The following AFF3 variants were observed in gnomAD, a reference collection of about 807,000 sequenced individuals.
The protein encoded by AFF3 is AF4/FMR2 family member 3.
AFF3 carries 32 observed loss-of-function variants against 129.7 expected under a neutral mutation model. The observed-to-expected ratio is 0.25, with a 90% CI of 0.19 to 0.33. The LOEUF (loss-of-function observed/expected upper bound fraction) is 0.33, where lower values mean the gene tolerates loss of function less well. Among genes scored for constraint, AFF3 ranks in the 10% least tolerant of loss-of-function variants. The pLI is 1.00. For synonymous variants in AFF3, 644 were observed against 635.4 expected, an observed-to-expected ratio of 1.01 and a Z score of -0.20; for missense variants, 1,373 against 1,592.0, an observed-to-expected ratio of 0.86 and a Z score of 2.34.
chr2:100,095,933 C>A (rs921645002), intron 4 of AFF3, among the ~76,000 whole-genome samples: 27 of 152,240 alleles, frequency 1.8e-4, no homozygotes, highest in Admixed American at 1.6e-3. Flanking sequence ...TGCAAGGTCC[C>A]CAACTGAAGT....
At chr2:99,567,583 C>T (rs1359103414) in intron 19 of AFF3, among the ~76,000 whole-genome samples, 1 of 152,006 alleles carries the variant, frequency 6.6e-6, no homozygotes, top group Non-Finnish European at 1.5e-5. Flanking sequence ...GAATATGACG[C>T]CGGGAAGGAA....
At chr2:99,805,813 TACACACACACACAC>T (rs3072357) in intron 8 of AFF3, among the ~76,000 whole-genome samples, 2 of 142,942 alleles carry the variant, frequency 1.4e-5, no homozygotes, top group South Asian at 2.4e-4. Context: ...GCAGGAGTCT[TACACACACACACAC>T]ACACACACAC....
intron 8 of AFF3, among the ~76,000 whole-genome samples, chr2:99,786,274 T>A (rs1684784281): frequency 6.6e-6 from 1 of 152,152 alleles, no homozygotes; most frequent in African/African-American, 2.4e-5. Context: ...GACTGGAGAT[T>A]GATAACGGTA....
At chr2:100,043,598 T>A (rs987348566) in intron 4 of AFF3, among the ~76,000 whole-genome samples, 2 of 151,554 alleles carry the variant, frequency 1.3e-5, no homozygotes, top group African/African-American at 2.4e-5. Context: ...TAGCTGCATT[T>A]AAAAAAAAAG....
chr2:99,614,429 C>A (rs963216508), intron 13 of AFF3, among the ~76,000 whole-genome samples: 1 of 152,184 alleles, frequency 6.6e-6, no homozygotes, highest in Non-Finnish European at 1.5e-5. Context: ...ACAGACATAT[C>A]AGGGAGTGAG....
chr2:99,962,496 A>T (rs140339901), intron 7 of AFF3, among the ~76,000 whole-genome samples: 6 of 152,384 alleles, frequency 3.9e-5, no homozygotes, highest in African/African-American at 1.4e-4. Flanking sequence ...CATCAAAAAA[A>T]TACTTCAACA....
chr2:99,598,225 G>T (rs1462666918), intron 14 of AFF3, among the ~76,000 whole-genome samples: 1 of 152,104 alleles, frequency 6.6e-6, no homozygotes, highest in Non-Finnish European at 1.5e-5. Context: ...TAGGTATCCA[G>T]GCTTTTTTAT....
chr2:100,016,285 G>T (rs904276406), intron 4 of AFF3, among the ~76,000 whole-genome samples: 2 of 150,636 alleles, frequency 1.3e-5, no homozygotes, highest in African/African-American at 5.0e-5. Context: ...GGTAGTGGGG[G>T]TGATGATGGT....
chr2:99,833,955 A>G (rs4851236), intron 8 of AFF3, among the ~76,000 whole-genome samples: 16,417 of 152,242 alleles, frequency 0.11, 1,033 homozygotes, highest in Admixed American at 0.2. Context: ...AAAAATAATT[A>G]TATGTTAGAA....
intron 7 of AFF3, among the ~76,000 whole-genome samples, chr2:99,914,875 C>T (rs1036535540): frequency 9.9e-5 from 15 of 151,984 alleles, no homozygotes; most frequent in Admixed American, 9.2e-4. Flanking sequence ...TGCACTCCAG[C>T]CTGGGTGACA....
At chr2:100,101,152 G>A (rs2105472630) in intron 4 of AFF3, among the ~76,000 whole-genome samples, 1 of 152,306 alleles carries the variant, frequency 6.6e-6, no homozygotes, top group Non-Finnish European at 1.5e-5. Flanking sequence ...GAGTAAGTAT[G>A]GATGTTTCTG....
At chr2:100,127,665 C>A (rs1692255108) in intron 2 of AFF3, among the ~76,000 whole-genome samples, 1 of 152,200 alleles carries the variant, frequency 6.6e-6, no homozygotes, top group Non-Finnish European at 1.5e-5. Context: ...TGAGTTGTTA[C>A]CCAGAGGCCT....
intron 8 of AFF3, among the ~76,000 whole-genome samples, chr2:99,806,324 G>A (rs1203608256): frequency 6.6e-6 from 1 of 152,158 alleles, no homozygotes; most frequent in East Asian, 1.9e-4. Flanking sequence ...GTGGGGTATG[G>A]GATATGCAAC....
At chr2:99,914,171 G>T (rs375503876) in intron 7 of AFF3, among the ~76,000 whole-genome samples, 1 of 152,118 alleles carries the variant, frequency 6.6e-6, no homozygotes, top group Non-Finnish European at 1.5e-5. Flanking sequence ...CCAGTAATGG[G>T]ACAAATCAAT....
chr2:99,837,373 C>T, intron 8 of AFF3, 104 bp downstream of exon 8: 1 of 1,140,506 alleles, frequency 8.8e-7, no homozygotes, highest in Non-Finnish European at 1.3e-6. Context: ...AGGTAAATGT[C>T]AAACCACAGA....
intron 13 of AFF3, among the ~76,000 whole-genome samples, chr2:99,618,224 CTTTTTTTTTTTTTTTTT>C (rs70940180): frequency 1.2e-5 from 1 of 80,078 alleles, no homozygotes; most frequent in Non-Finnish European, 2.3e-5. Context: ...TCATAACATT[CTTTTTTTTTTTTTTTTT>C]TTTTTTTTTT....
At chr2:99,981,076 C>T (rs1294543074) in intron 7 of AFF3, among the ~76,000 whole-genome samples, 2 of 152,192 alleles carry the variant, frequency 1.3e-5, no homozygotes, top group Non-Finnish European at 2.9e-5. Flanking sequence ...AGTGCAATGG[C>T]GTGATCTCGG....
chr2:99,780,586 G>T (rs1047591221), intron 8 of AFF3, among the ~76,000 whole-genome samples: 7 of 152,110 alleles, frequency 4.6e-5, no homozygotes, highest in African/African-American at 1.7e-4. Context: ...CCTCCACTCT[G>T]ATATCTGAAT....
rs199693404 is a variant in AFF3, at chr2:99,554,675, G to T, written c.3335+8C>A. ...CTTACGGCATTGACTTTGGAAAAGCGAACTTACTTTCCACTGGCCCCCCAC... is the reference window on the plus strand; with the variant it reads ...CTTACGGCATTGACTTTGGAAAAGCTAACTTACTTTCCACTGGCCCCCCAC... On this transcript the variant is annotated splice_region_variant and intron_variant, in intron 23 of 24. Transcript: ENST00000672756. 6.2e-7 allele frequency: 1 copy of T among 1,614,162 alleles called. No individual in the cohort carries two copies. Among genetic ancestry groups the T allele is most frequent in the Non-Finnish European group, 8.5e-7 (1 of 1,180,022 alleles).
Sources: gnomAD v4.1 joint callset for allele counts (sites outside exome capture counted in the v4.1 genomes callset) on GRCh38, gnomAD v4.1.1 for gene constraint, MANE v1.5 for transcripts, NCBI Gene and HGNC (gene_info 2026-07-23, HGNC 2026-07-21) for gene names.